Variants in SGTA observed in about 807,000 individuals in gnomAD.
The protein encoded by SGTA is small glutamine-rich tetratricopeptide repeat-containing protein alpha.
A neutral mutation model predicts 44.3 loss-of-function variants in SGTA; 22 were observed. That is an observed-to-expected ratio of 0.50 (90% CI 0.36 to 0.71). The LOEUF (loss-of-function observed/expected upper bound fraction) is 0.71, where lower values mean the gene tolerates loss of function less well. SGTA is among the 30% of genes least tolerant of loss of function. The pLI, the probability that SGTA is intolerant of heterozygous loss-of-function variation, is 0.00. For missense variants in SGTA, 341 were observed against 435.9 expected, an observed-to-expected ratio of 0.78 and a Z score of 1.94; for synonymous variants, 174 against 177.6, an observed-to-expected ratio of 0.98 and a Z score of 0.16.
intron 1 of SGTA, chr19:2,770,529 C>G (rs1299146193): frequency 6.5e-6 from 1 of 152,960 alleles, no homozygotes; most frequent in Non-Finnish European, 1.5e-5. Flanking sequence ...GATGGTGACT[C>G]TAAACATTCA....
intron 1 of SGTA, among the ~76,000 whole-genome samples, chr19:2,782,893 G>A (rs570436196): frequency 4.1e-4 from 63 of 152,328 alleles, no homozygotes; most frequent in African/African-American, 1.5e-3. Context: ...CTGAGTCACA[G>A]GGACGACGTT....
At chr19:2,772,880 G>C (rs1443844845) in intron 1 of SGTA, among the ~76,000 whole-genome samples, 2 of 91,706 alleles carry the variant, frequency 2.2e-5, no homozygotes, top group Non-Finnish European at 3.8e-5. Flanking sequence ...GGGACACCGA[G>C]GGCAGAAATG....
At chr19:2,779,497 G>A (rs1241105980) in intron 1 of SGTA, among the ~76,000 whole-genome samples, 2 of 152,210 alleles carry the variant, frequency 1.3e-5, no homozygotes, top group African/African-American at 2.4e-5. Context: ...TTTGGCACTC[G>A]GTGTCTTTGG....
chr19:2,776,019 C>T (rs1293553202), intron 1 of SGTA, among the ~76,000 whole-genome samples: 9 of 152,122 alleles, frequency 5.9e-5, no homozygotes, highest in Admixed American at 5.2e-4. Context: ...TGCCTAGAGC[C>T]GGCGGGCAGC....
chr19:2,774,335 G>A (rs866985556), intron 1 of SGTA, among the ~76,000 whole-genome samples: 3 of 152,288 alleles, frequency 2.0e-5, no homozygotes, highest in Middle Eastern at 3.4e-3. Flanking sequence ...GTCATCACAC[G>A]GAAGGGAGCA....
intron 7 of SGTA, 50 bp downstream of exon 7, chr19:2,762,456 C>T: frequency 6.2e-7 from 1 of 1,604,390 alleles, no homozygotes; most frequent in Non-Finnish European, 8.5e-7. Context: ...TGTCCCCCAC[C>T]CACACAGTCA....
At chr19:2,780,574 G>C (rs1915550222) in intron 1 of SGTA, among the ~76,000 whole-genome samples, 1 of 152,202 alleles carries the variant, frequency 6.6e-6, no homozygotes, top group Non-Finnish European at 1.5e-5. Flanking sequence ...TCCGCCAGGA[G>C]AGAATCTAGT....
intron 10 of SGTA, 63 bp downstream of exon 10, chr19:2,757,629 CT>C: frequency 6.8e-7 from 1 of 1,461,594 alleles, no homozygotes; most frequent in African/African-American, 1.4e-5. Flanking sequence ...TCCTCCTTCC[CT>C]TCCGCCTGCG....
Position 2,765,401 on chromosome 19 carries a change from G to C in SGTA, c.293-116C>G. 1 of 725,112 alleles carries C rather than the reference G, an allele frequency of 1.4e-6. No homozygotes were observed. Among genetic ancestry groups the C allele is most frequent in the Non-Finnish European group, 2.4e-6 (1 of 419,936 alleles). The allele number at this position is 725,112 out of a possible 1,614,324, so 44.9% of individuals were successfully genotyped here. A position where few individuals can be genotyped will look rare whatever the true frequency, so the allele number is the denominator to read the frequency against. On this transcript the variant is annotated intron_variant, in intron 4 of 11. Coordinates refer to ENST00000221566, the MANE Select transcript of SGTA (RefSeq NM_003021.4). This position sits in a 1 kb window ranked among gnomAD's most constrained non-coding sequence, Gnocchi z 5.5. ...CAGACCCGAGGGGGCGTCACACTTG[G>C]CTCTTCTGGGCAGCCAGGACTCAAC...
At position 2,767,469 on chromosome 19, in the gene SGTA, G is replaced by A. The variant is rs1467561869; in HGVS notation, c.207+111C>T. The stretch of plus-strand genomic sequence containing the variant: ...CCACGTCCCCAGCCCAGGAGAGGAT[G>A]CAGGCAGAGTGCTGGGGGACGATGA... On this transcript the variant is annotated intron_variant, in intron 3 of 11. Transcript: ENST00000221566. The surrounding 1 kb of genome is among the most constrained non-coding windows in gnomAD (Gnocchi z 7.3). 35 of 922,408 alleles carry A rather than the reference G, an allele frequency of 3.8e-5. No individual in the cohort carries two copies. Among genetic ancestry groups the A allele is most frequent in the Non-Finnish European group, 5.3e-5 (31 of 581,872 alleles). The allele number at this position is 922,408 out of a possible 1,614,324, so 57.1% of individuals were successfully genotyped here.
At chr19:2,766,252 C>T (rs1022383676) in intron 4 of SGTA, among the ~76,000 whole-genome samples, 2 of 151,952 alleles carry the variant, frequency 1.3e-5, no homozygotes, top group Non-Finnish European at 2.9e-5. Context: ...ACATGCTGTG[C>T]GTCCTTTTGT....
chr19:2,770,018 C>A (rs1400419269), intron 1 of SGTA, among the ~76,000 whole-genome samples: 2 of 108,656 alleles, frequency 1.8e-5, no homozygotes, highest in Non-Finnish European at 4.0e-5. Flanking sequence ...CGCCTGTGCC[C>A]CCCTCGGACA....
In SGTA at chr19:2,755,465, G is replaced by T; in HGVS notation, c.*475C>A. 1.0e-6 allele frequency: 1 copy of T among 987,658 alleles called. No homozygotes were observed. The highest frequency in any genetic ancestry group is 1.2e-6 in the Non-Finnish European group (1 of 830,240). The allele number at this position is 987,658 out of a possible 1,614,324, so 61.2% of individuals were successfully genotyped here. On this transcript the variant is annotated 3_prime_UTR_variant, in exon 12 of 12. Transcript: ENST00000221566. This position sits in a 1 kb window ranked among gnomAD's most constrained non-coding sequence, Gnocchi z 5.2. ...CAGTGAGCTCTTCCGAGCAGGCACA[G>T]GGCCGGGGTGGCCGGGAGGTCGACT...
rs112753414 is a variant in SGTA, at chr19:2,765,445, G to A, written c.293-160C>T. 9.9e-5 allele frequency among the ~76,000 whole-genome samples: 15 copies of A among 152,254 alleles called. No individual in the cohort carries two copies. Among genetic ancestry groups the A allele is most frequent in the African/African-American group, 3.6e-4 (15 of 41,548 alleles). ...ACTCAACACAGATGCCGGCTCAGGAGGCATCTGCATCTATAGGGGGTTCGC... is the reference window on the plus strand; with the variant it reads ...ACTCAACACAGATGCCGGCTCAGGAAGCATCTGCATCTATAGGGGGTTCGC... On this transcript the variant is annotated intron_variant, in intron 4 of 11. Coordinates refer to ENST00000221566, the MANE Select transcript of SGTA (RefSeq NM_003021.4). This position sits in a 1 kb window ranked among gnomAD's most constrained non-coding sequence, Gnocchi z 5.5.
At chr19:2,771,117 C>T (rs2003567) in intron 1 of SGTA, among the ~76,000 whole-genome samples, 1 of 152,190 alleles carries the variant, frequency 6.6e-6, no homozygotes, top group African/African-American at 2.4e-5. Flanking sequence ...TGGCGCCCTG[C>T]GATATCTGTT....
Position 2,771,769 on chromosome 19 carries a change from A to C in SGTA, c.-23-2678T>G, listed in dbSNP as rs558242589. ...GAGAACCTGCTCTGAGGCCAGAAGC[A>C]GGCATGGAGAGGGGTTGCTGTGGTG... On this transcript the variant is annotated intron_variant, in intron 1 of 11. Transcript: ENST00000221566. Among the ~76,000 whole-genome samples the C allele has an allele frequency of 3.1e-4, 47 of 152,362 alleles. 1 individual carries two copies. Among genetic ancestry groups the C allele is most frequent in the African/African-American group, 1.0e-3 (43 of 41,592 alleles).
intron 1 of SGTA, among the ~76,000 whole-genome samples, chr19:2,779,724 G>A (rs1915527440): frequency 1.3e-5 from 2 of 152,206 alleles, no homozygotes; most frequent in South Asian, 2.1e-4. Flanking sequence ...GCTCTGAGCC[G>A]ATGACTCCAC....
chr19:2,778,195 G>A (rs553919411), intron 1 of SGTA, among the ~76,000 whole-genome samples: 3 of 152,210 alleles, frequency 2.0e-5, no homozygotes, highest in East Asian at 1.9e-4. Flanking sequence ...GGCCTAGCAC[G>A]ATCCACGCTG....
At position 2,767,129 on chromosome 19, in the gene SGTA, C is replaced by A; in HGVS notation, c.292+7G>T. On this transcript the variant is annotated splice_region_variant and intron_variant, in intron 4 of 11. Coordinates refer to ENST00000221566, the MANE Select transcript of SGTA (RefSeq NM_003021.4). This position sits in a 1 kb window ranked among gnomAD's most constrained non-coding sequence, Gnocchi z 7.3. ...AGGTGTCTGTGGGGATGGAGGTCCT[C>A]CCTTACCTTCGGTTTTGAGGCGCTC... 1.2e-6 allele frequency: 2 copies of A among 1,605,468 alleles called. No individual in the cohort carries two copies. Among genetic ancestry groups the A allele is most frequent in the Non-Finnish European group, 1.7e-6 (2 of 1,174,790 alleles).
Sources: gnomAD v4.1 joint callset for allele counts (sites outside exome capture counted in the v4.1 genomes callset) on GRCh38, gnomAD v4.1.1 for gene constraint, Gnocchi (gnomAD v3.1) non-coding constraint, MANE v1.5 for transcripts, NCBI Gene and HGNC (gene_info 2026-07-23, HGNC 2026-07-21) for gene names.